The following TTC7B variants were observed in gnomAD, a reference collection of about 807,000 sequenced individuals.
TTC7B encodes tetratricopeptide repeat domain 7B, also known as tetratricopeptide repeat protein 7B.
Under a neutral mutation model 106.8 loss-of-function variants are expected in TTC7B, and 28 were observed. The observed-to-expected ratio is 0.26, with a 90% CI of 0.19 to 0.36. The LOEUF (loss-of-function observed/expected upper bound fraction) is 0.36. Ranked by LOEUF, TTC7B falls within the 10% of genes least tolerant of loss-of-function variation. TTC7B has a pLI of 1.00. For synonymous variants in TTC7B, 405 were observed against 430.6 expected, an observed-to-expected ratio of 0.94 and a Z score of 0.74; for missense variants, 862 against 1,076.4, an observed-to-expected ratio of 0.80 and a Z score of 2.79.
rs1267408794 is a variant in TTC7B at position 90,759,930 on chromosome 14, AT to A, written c.446-15009del. 6.6e-6 allele frequency among the ~76,000 whole-genome samples: 1 copy of A among 152,234 alleles called. No individual in the cohort carries two copies. Among genetic ancestry groups the A allele is most frequent in the Non-Finnish European group, 1.5e-5 (1 of 68,042 alleles). On this transcript the variant is annotated intron_variant, in intron 3 of 19. Coordinates refer to ENST00000328459, the MANE Select transcript of TTC7B (RefSeq NM_001010854.2). The surrounding 1 kb of genome is among the most constrained non-coding windows in gnomAD (Gnocchi z 4.1). ...GGGAGATAAAGCAGGCAGCTTAGAT[AT>A]GACACAGCCTCAACACCCAACCCAG...
chr14:90,557,164 G>A (rs1222202047), intron 19 of TTC7B, among the ~76,000 whole-genome samples: 1 of 152,182 alleles, frequency 6.6e-6, no homozygotes, highest in East Asian at 1.9e-4. Context: ...GGTGGGGTGG[G>A]GCGGGGCTCA....
rs939050791 is a variant in TTC7B at position 90,526,946 on chromosome 14, C to T, written c.*14422G>A. 5 of 152,160 alleles carry T rather than the reference C, an allele frequency of 3.3e-5. No individual in the cohort carries two copies. The highest frequency in any genetic ancestry group is 4.8e-5 in the African/African-American group (2 of 41,432). 9.4% of individuals were successfully genotyped at this position (152,160 alleles called of 1,614,324 possible). A position where few individuals can be genotyped will look rare whatever the true frequency, so the allele number is the denominator to read the frequency against. On this transcript the variant is annotated 3_prime_UTR_variant, in exon 20 of 20. Coordinates refer to ENST00000328459, the MANE Select transcript of TTC7B (RefSeq NM_001010854.2). ...GTGCCTTTCATCCAGGACCCCGTAC[C>T]ACCTAATATTTAGCTATGTCTTCAT...
At chr14:90,730,299 C>T in intron 4 of TTC7B, 103 bp from the exon 5 acceptor site, 1 of 1,391,882 alleles carries the variant, frequency 7.2e-7, no homozygotes, top group Non-Finnish European at 9.6e-7. Flanking sequence ...AACCAACTTC[C>T]TCAGGCAAAT....
chr14:90,724,578 A>G (rs8020021), intron 5 of TTC7B, among the ~76,000 whole-genome samples: 21,560 of 151,716 alleles, frequency 0.14, 2,444 homozygotes, highest in African/African-American at 0.32. Flanking sequence ...CCTCGCCCTC[A>G]CTCTCTTGCT....
chr14:90,769,058 C>T (rs1421851024), intron 3 of TTC7B, among the ~76,000 whole-genome samples: 2 of 152,018 alleles, frequency 1.3e-5, no homozygotes, highest in African/African-American at 4.8e-5. Flanking sequence ...GGGGATAGAG[C>T]TTTACAGGAA....
At chr14:90,586,725 T>C (rs1891730028) in intron 18 of TTC7B, among the ~76,000 whole-genome samples, 1 of 152,226 alleles carries the variant, frequency 6.6e-6, no homozygotes, top group Non-Finnish European at 1.5e-5. Context: ...AGCCCAGTTC[T>C]GAAATGTAGA....
intron 15 of TTC7B, among the ~76,000 whole-genome samples, chr14:90,619,192 A>C (rs1380571764): frequency 1.3e-5 from 2 of 152,194 alleles, no homozygotes; most frequent in Admixed American, 6.5e-5. Context: ...CCCAGCCCCC[A>C]AAAATCATTT....
intron 15 of TTC7B, among the ~76,000 whole-genome samples, chr14:90,630,606 T>C (rs1459828664): frequency 1.3e-5 from 2 of 152,210 alleles, no homozygotes; most frequent in African/African-American, 4.8e-5. Flanking sequence ...TCTATTCGTG[T>C]TGCAAAACTG....
In TTC7B at chr14:90,807,943, G is replaced by C. The variant is rs1033064133; in HGVS notation, c.121+8232C>G. On this transcript the variant is annotated intron_variant, in intron 1 of 19. Transcript: ENST00000328459. The surrounding 1 kb of genome is among the most constrained non-coding windows in gnomAD (Gnocchi z 4.1). ...GGATTCTAACAAGCTGTCTAGAAGT[G>C]ATTCTTTGATCCAATCAGTTTAGAA... 1.3e-5 allele frequency among the ~76,000 whole-genome samples: 2 copies of C among 152,190 alleles called. No individual in the cohort carries two copies. Among genetic ancestry groups the C allele is most frequent in the African/African-American group, 4.8e-5 (2 of 41,448 alleles).
intron 5 of TTC7B, among the ~76,000 whole-genome samples, chr14:90,714,765 T>C (rs1029890594): frequency 1.3e-5 from 2 of 152,192 alleles, no homozygotes; most frequent in African/African-American, 4.8e-5. Context: ...CCTATATACA[T>C]TTATTAAAAA....
At position 90,537,373 on chromosome 14, in the gene TTC7B, T is replaced by TGTGG. The variant is rs1555372754; in HGVS notation, c.*3994_*3995insCCAC. On this transcript the variant is annotated 3_prime_UTR_variant, in exon 20 of 20. Transcript: ENST00000328459. ...GGCTATTTTTTTTTTTTTGTAGAGA[T>TGTGG]GGGGGGGGGGTCTCACCATGTTGCC... 1 of 54,422 alleles carries TGTGG rather than the reference T, an allele frequency of 1.8e-5. No individual in the cohort carries two copies. The highest frequency in any genetic ancestry group is 6.2e-5 in the African/African-American group (1 of 16,116). The allele number at this position is 54,422 out of a possible 1,614,324, so 3.4% of individuals were successfully genotyped here. A position where few individuals can be genotyped will look rare whatever the true frequency, so the allele number is the denominator to read the frequency against.
At chr14:90,667,154 G>A (rs570951607) in intron 9 of TTC7B, among the ~76,000 whole-genome samples, 2 of 152,354 alleles carry the variant, frequency 1.3e-5, no homozygotes, top group East Asian at 3.9e-4. Context: ...AGGACTAAGG[G>A]AGGAAGTAAG....
intron 3 of TTC7B, among the ~76,000 whole-genome samples, chr14:90,746,806 T>G (rs1889982065): frequency 6.6e-6 from 1 of 152,254 alleles, no homozygotes; most frequent in Admixed American, 6.5e-5. Flanking sequence ...CTTTCTTCTT[T>G]AGAAGTGTAT....
chr14:90,652,833 C>T lies in TTC7B; in HGVS notation c.1517+8G>A. The stretch of plus-strand genomic sequence containing the variant: ...TACAGCCGAGTGAAAAGATGAACTC[C>T]CACTCACCTCTGAAATGCAAGAAGC... On this transcript the variant is annotated splice_region_variant and intron_variant, in intron 13 of 19. Transcript: ENST00000328459. 1 of 1,614,020 alleles carries T rather than the reference C, an allele frequency of 6.2e-7. No homozygotes were observed. Among genetic ancestry groups the T allele is most frequent in the Non-Finnish European group, 8.5e-7 (1 of 1,179,910 alleles).
chr14:90,791,678 T>C (rs1412979205), intron 1 of TTC7B, among the ~76,000 whole-genome samples: 2 of 152,046 alleles, frequency 1.3e-5, no homozygotes, highest in Admixed American at 6.6e-5. Context: ...CGCCAGTCCC[T>C]GTTCACCCTC....
chr14:90,641,921 T>TTG lies in TTC7B; in HGVS notation c.1751+2125_1751+2126dup, dbSNP rs201960735. On this transcript the variant is annotated intron_variant, in intron 15 of 19. Coordinates refer to ENST00000328459, the MANE Select transcript of TTC7B (RefSeq NM_001010854.2). Reference sequence around the variant, plus strand: ...GGAGTCCAATGCCTAATGAAAGAGCTTGTGTGTGTGTGCGTGTGTGTGTGT... The same window carrying TTG: ...GGAGTCCAATGCCTAATGAAAGAGCTTGTGTGTGTGTGTGCGTGTGTGTGTGT... 2.6e-3 allele frequency among the ~76,000 whole-genome samples: 360 copies of TTG among 139,294 alleles called. 2 individuals are homozygous for TTG. The highest frequency in any genetic ancestry group is 7.2e-3 in the Middle Eastern group (2 of 276). 91.4% of individuals were successfully genotyped at this position (139,294 alleles called of 152,430 possible). A position where few individuals can be genotyped will look rare whatever the true frequency, so the allele number is the denominator to read the frequency against.
intron 1 of TTC7B, among the ~76,000 whole-genome samples, chr14:90,812,022 C>T (rs2030924730): frequency 1.3e-5 from 2 of 152,144 alleles, no homozygotes; most frequent in Admixed American, 1.3e-4. Flanking sequence ...CAGCTGGGAC[C>T]TGGCCTACCT....
chr14:90,598,473 G>A (rs73326816), intron 17 of TTC7B, among the ~76,000 whole-genome samples: 2 of 152,144 alleles, frequency 1.3e-5, no homozygotes, highest in Admixed American at 6.5e-5. Context: ...GGGGTAAGGA[G>A]GGGGGAAGGC....
At chr14:90,782,679 G>C (rs1327613477) in intron 2 of TTC7B, among the ~76,000 whole-genome samples, 1 of 152,124 alleles carries the variant, frequency 6.6e-6, no homozygotes, top group Non-Finnish European at 1.5e-5. Context: ...CATTTCCTAG[G>C]ACATTCTGGG....
Sources: gnomAD v4.1 joint callset for allele counts (sites outside exome capture counted in the v4.1 genomes callset) on GRCh38, gnomAD v4.1.1 for gene constraint, Gnocchi (gnomAD v3.1) non-coding constraint, MANE v1.5 for transcripts, NCBI Gene and HGNC (gene_info 2026-07-23, HGNC 2026-07-21) for gene names.